The following CLDN10 variants were observed in gnomAD, a reference collection of about 807,000 sequenced individuals.
The protein encoded by CLDN10 is claudin-10.
In CLDN10, 15 loss-of-function variants were observed where a neutral mutation model predicts 22.9. That is an observed-to-expected ratio of 0.65 (90% confidence interval 0.44 to 1.01). The LOEUF (loss-of-function observed/expected upper bound fraction) is 1.01. Among genes scored for constraint, CLDN10 ranks in the 50% least tolerant of loss-of-function variants. CLDN10 has a pLI of 0.00. For synonymous variants in CLDN10, 114 were observed against 111.4 expected (o/e 1.02, Z -0.15); for missense variants, 247 against 287.8 (o/e 0.86, Z 1.03).
chr13:95,543,553 C>A (rs978811440), intron 1 of CLDN10, among the ~76,000 whole-genome samples: 1 of 152,052 alleles, frequency 6.6e-6, no homozygotes, highest in Non-Finnish European at 1.5e-5. Flanking sequence ...TTCCAAAATT[C>A]ATAAAATTTC....
In CLDN10 at chr13:95,578,377, C is replaced by G. The variant is rs2043967808; in HGVS notation, c.*363C>G. ...CCCACTCCTTATGTTTCTTTTCATTCATAAACAGGTGTATAAGGAACAATG... is the reference window on the plus strand; with the variant it reads ...CCCACTCCTTATGTTTCTTTTCATTGATAAACAGGTGTATAAGGAACAATG... On this transcript the variant is annotated 3_prime_UTR_variant, in exon 5 of 5. Transcript: ENST00000299339. The G allele has an allele frequency of 1.3e-5, 2 of 159,200 alleles. No individual in the cohort carries two copies. The highest frequency in any genetic ancestry group is 1.3e-4 in the Admixed American group (2 of 15,698). The allele number at this position is 159,200 out of a possible 1,614,324, so 9.9% of individuals were successfully genotyped here.
intron 1 of CLDN10, among the ~76,000 whole-genome samples, chr13:95,471,411 A>T (rs1049300162): frequency 1.6e-5 from 2 of 127,986 alleles, no homozygotes; most frequent in African/African-American, 6.3e-5. Context: ...ATATACACAC[A>T]CACATATACA....
At chr13:95,540,051 G>A (rs917461055) in intron 1 of CLDN10, among the ~76,000 whole-genome samples, 5 of 152,100 alleles carry the variant, frequency 3.3e-5, no homozygotes, top group African/African-American at 7.2e-5. Context: ...TGTAATTCCA[G>A]CACTTTGGGA....
At chr13:95,478,975 CATTTT>C (rs1003668603) in intron 1 of CLDN10, among the ~76,000 whole-genome samples, 1 of 152,240 alleles carries the variant, frequency 6.6e-6, no homozygotes, top group Non-Finnish European at 1.5e-5. Context: ...AAGGAACTTT[CATTTT>C]ATTAGCCAGT....
upstream of CLDN10, among the ~76,000 whole-genome samples, chr13:95,551,572 AC>A (rs376540003): frequency 1.4e-4 from 21 of 152,326 alleles, no homozygotes; most frequent in African/African-American, 5.1e-4. Context: ...TTCACATTGA[AC>A]CAGAGTGTTT....
At chr13:95,441,438 C>G (rs2042323858) in intron 1 of CLDN10, among the ~76,000 whole-genome samples, 1 of 152,132 alleles carries the variant, frequency 6.6e-6, no homozygotes, top group Non-Finnish European at 1.5e-5. Context: ...AGACGGGAAT[C>G]TCACTGTGTT....
At chr13:95,518,997 G>A (rs544650862) in intron 1 of CLDN10, among the ~76,000 whole-genome samples, 1 of 152,240 alleles carries the variant, frequency 6.6e-6, no homozygotes, top group Non-Finnish European at 1.5e-5. Flanking sequence ...CCATGAGTAT[G>A]TGACAGGTAT....
chr13:95,485,026 C>G (rs2042790778), intron 1 of CLDN10, among the ~76,000 whole-genome samples: 1 of 152,050 alleles, frequency 6.6e-6, no homozygotes, highest in Non-Finnish European at 1.5e-5. Context: ...GTACAACATC[C>G]AAGCCTAGAC....
At chr13:95,474,753 T>C (rs964611957) in intron 1 of CLDN10, among the ~76,000 whole-genome samples, 1 of 151,562 alleles carries the variant, frequency 6.6e-6, no homozygotes, top group Non-Finnish European at 1.5e-5. Flanking sequence ...AAGTAGAGAT[T>C]GATAAGTGCT....
chr13:95,434,527 A>G (rs1566643304), intron 1 of CLDN10, among the ~76,000 whole-genome samples: 2 of 104,054 alleles, frequency 1.9e-5, no homozygotes, highest in East Asian at 2.5e-4. Flanking sequence ...GTGTGTATAT[A>G]TATATGCACA....
intron 1 of CLDN10, among the ~76,000 whole-genome samples, chr13:95,531,648 C>T (rs1566320854): frequency 6.6e-6 from 1 of 151,800 alleles, no homozygotes; most frequent in Admixed American, 6.6e-5. Flanking sequence ...CTTCTACCTC[C>T]CCTCTCAAGT....
At chr13:95,442,580 T>C (rs779140874) in intron 1 of CLDN10, among the ~76,000 whole-genome samples, 5 of 152,180 alleles carry the variant, frequency 3.3e-5, no homozygotes, top group South Asian at 2.1e-4. Flanking sequence ...TAGCTTGGAA[T>C]GGGGAGAAAA....
chr13:95,484,865 CAAAAAAAAAAAAAAAAA>C (rs746231195), intron 1 of CLDN10, among the ~76,000 whole-genome samples: 1 of 93,640 alleles, frequency 1.1e-5, no homozygotes, highest in African/African-American at 3.8e-5. Context: ...GACCCTGTCT[CAAAAAAAAAAAAAAAAA>C]AAAAAAAAAA....
intron 1 of CLDN10, among the ~76,000 whole-genome samples, chr13:95,526,829 G>A (rs974597188): frequency 3.2e-5 from 4 of 125,626 alleles, no homozygotes; most frequent in South Asian, 2.8e-4. Context: ...TAAACATGGC[G>A]AGAAGGAAAG....
intron 1 of CLDN10, among the ~76,000 whole-genome samples, chr13:95,493,189 G>A (rs1293069409): frequency 1.3e-5 from 2 of 152,102 alleles, no homozygotes; most frequent in East Asian, 3.9e-4. Context: ...CACCCCTGCC[G>A]CTACCGCCAA....
chr13:95,440,148 G>A (rs527756654), intron 1 of CLDN10, among the ~76,000 whole-genome samples: 10 of 152,046 alleles, frequency 6.6e-5, no homozygotes, highest in African/African-American at 2.4e-4. Context: ...TCCTGACCTC[G>A]TGATCCACCC....
At chr13:95,483,174 T>C (rs1428205664) in intron 1 of CLDN10, among the ~76,000 whole-genome samples, 1 of 151,810 alleles carries the variant, frequency 6.6e-6, no homozygotes, top group Non-Finnish European at 1.5e-5. Flanking sequence ...TGCCACTCTG[T>C]GCAGATTCCT....
intron 1 of CLDN10, among the ~76,000 whole-genome samples, chr13:95,512,083 T>G (rs113950525): frequency 3.5e-4 from 43 of 121,556 alleles, no homozygotes; most frequent in East Asian, 1.2e-3. Context: ...ACCAATGATA[T>G]AACTAGGAAA....
chr13:95,479,160 T>A (rs2042716166), intron 1 of CLDN10, among the ~76,000 whole-genome samples: 1 of 152,134 alleles, frequency 6.6e-6, no homozygotes, highest in Admixed American at 6.6e-5. Flanking sequence ...AACAGCCTGG[T>A]CAACATGGTG....
Sources: allele counts gnomAD v4.1 joint callset (sites outside exome capture counted in the v4.1 genomes callset), GRCh38; gene constraint gnomAD v4.1.1; transcripts MANE v1.5; gene names NCBI Gene and HGNC (gene_info 2026-07-23, HGNC 2026-07-21).